AHNAK2: variants seen among roughly 807,000 people sequenced by gnomAD.
AHNAK2 encodes the protein AHNAK nucleoprotein 2, also known as protein AHNAK2.
Under a neutral mutation model 30.7 loss-of-function variants are expected in AHNAK2, and 18 were observed. The observed-to-expected ratio is 0.59, with a 90% CI of 0.41 to 0.87. The LOEUF (loss-of-function observed/expected upper bound fraction) is 0.87. Ranked by LOEUF, AHNAK2 falls within the 40% of genes least tolerant of loss-of-function variation. AHNAK2 has a pLI of 0.00. For missense variants in AHNAK2, 8,604 were observed against 7,373.0 expected (o/e 1.17, Z -6.11); for synonymous variants, 3,590 against 3,073.8 (o/e 1.17, Z -5.56).
At position 104,950,037 on chromosome 14, in the gene AHNAK2, A is replaced by C. The variant is rs770839087; in HGVS notation, c.5414T>G (p.Leu1805Arg). 36 of 1,586,326 alleles carry C rather than the reference A, an allele frequency of 2.3e-5. 5 individuals are homozygous for C. The highest frequency in any genetic ancestry group is 7.0e-5 in the Admixed American group (4 of 57,516). ...GTCGGCCAGGGACAGGTCACCCTCC[A>C]GCCGCACACTGTCCAGCTTGGCTCC... ...APGAKLDSVRLEGDLSLADKD... is the reference protein window; with the variant it reads ...APGAKLDSVRREGDLSLADKD... Residue 1805 changes from leucine (L) to arginine (R), a missense_variant, in exon 7 of 7, where the codon CTG becomes CGG. Leu to Arg is a moderately radical substitution (Grantham distance 102). Transcript: ENST00000333244.
At position 104,942,590 on chromosome 14, in the gene AHNAK2, G is replaced by C. The variant is rs372622112; in HGVS notation, c.12861C>G (p.Ala4287=). 6.2e-7 allele frequency: 1 copy of C among 1,610,040 alleles called. No homozygotes were observed. The highest frequency in any genetic ancestry group is 8.5e-7 in the Non-Finnish European group (1 of 1,178,260). The part of the protein sequence containing the change: ...SVRLEGDLSL[A]DKDMTAKDSK... ...TGTCTTTGGCAGTCATGTCCTTGTC[G>C]GCTAGGGACAGGTCACCCTCCAGCC... Residue 4287 remains alanine, a synonymous_variant, in exon 7 of 7, where the codon GCC becomes GCG. Transcript: ENST00000333244.
At chr14:104,960,541 T>C (rs533942230) in intron 1 of AHNAK2, among the ~76,000 whole-genome samples, 20 of 152,320 alleles carry the variant, frequency 1.3e-4, no homozygotes, top group African/African-American at 4.8e-4. Context: ...AGGGAGGTCC[T>C]AGAAGCAATC....
In AHNAK2 at chr14:104,951,980, A is replaced by C. The variant is rs201234017; in HGVS notation, c.3471T>G (p.Thr1157=). 1.7e-5 allele frequency: 28 copies of C among 1,612,034 alleles called. 1 individual carries two copies. In the African/African-American group the frequency reaches 1.8e-4, roughly 10 times the overall value. The stretch of plus-strand genomic sequence containing the variant: ...GCATTTTGAACCTGCTGTCTTTGGC[A>C]GTCACATCCTTGTCGGCCAGGGACA... ...GELSLADKDV[T]AKDSRFKMPK... Residue 1157 remains threonine, a synonymous_variant, in exon 7 of 7, where the codon ACT becomes ACG. Coordinates refer to ENST00000333244, the MANE Select transcript of AHNAK2 (RefSeq NM_138420.4).
intron 1 of AHNAK2, among the ~76,000 whole-genome samples, chr14:104,969,199 G>C (rs537559152): frequency 1.3e-5 from 2 of 152,318 alleles, no homozygotes; most frequent in East Asian, 1.9e-4. Context: ...CCTAGACCTG[G>C]GAGCTGGGCT....
At position 104,938,048 on chromosome 14, in the gene AHNAK2, G is replaced by A. The variant is rs78726317; in HGVS notation, c.*15C>T. 1.3e-3 allele frequency: 2,156 copies of A among 1,607,892 alleles called. 51 individuals are homozygous for A. In the East Asian group the frequency reaches 0.041, roughly 30 times the overall value. On this transcript the variant is annotated 3_prime_UTR_variant, in exon 7 of 7. Coordinates refer to ENST00000333244, the MANE Select transcript of AHNAK2 (RefSeq NM_138420.4). ...TAGTTTTTTGCATCTCTCTTGTACT[G>A]ATGAGCCATACCTCTCAGCCTTCAT...
Position 104,953,520 on chromosome 14 carries a change from T to C in AHNAK2, c.1931A>G (p.Asn644Ser), listed in dbSNP as rs766285667. Residue 644 changes from asparagine to serine, a missense_variant, in exon 7 of 7, where the codon AAC (asparagine) becomes AGC (serine). Physicochemically the swap from Asn to Ser is conservative, Grantham distance 46. Transcript: ENST00000333244. ...GTGTATTAGTTGTATTTTTGTTGTGTTTGTCATTGAGTCACTGTCTTCTTT... is the reference window on the plus strand; with the variant it reads ...GTGTATTAGTTGTATTTTTGTTGTGCTTGTCATTGAGTCACTGTCTTCTTT... ...KDKEDSDSMT[N>S]TTKIQLIHDE... 6.8e-6 allele frequency: 11 copies of C among 1,614,000 alleles called. No homozygotes were observed. The highest frequency in any genetic ancestry group is 1.3e-5 in the African/African-American group (1 of 75,060).
chr14:104,961,333 T>C (rs906825114), intron 1 of AHNAK2, among the ~76,000 whole-genome samples: 3 of 151,036 alleles, frequency 2.0e-5, no homozygotes, highest in Non-Finnish European at 3.0e-5. Context: ...GCTAACACAG[T>C]GAAACCCCGT....
Position 104,948,439 on chromosome 14 carries a change from C to T in AHNAK2, c.7012G>A (p.Glu2338Lys), listed in dbSNP as rs369341222. 1.3e-4 allele frequency: 212 copies of T among 1,609,860 alleles called. 1 individual carries two copies. Among genetic ancestry groups the T allele is most frequent in the African/African-American group, 2.3e-4 (17 of 73,880 alleles). The stretch of plus-strand genomic sequence containing the variant: ...AACGCAGACACATCCGCTGAGGCCT[C>T]GATGGACTTGCCAAGGGCAGACACC... ...FGVSALGKSI[E>K]ASADVSALKV... Residue 2338 changes from glutamate to lysine, a missense_variant, in exon 7 of 7, where the codon GAG (glutamate) becomes AAG (lysine). By Grantham distance (56) the Glu-to-Lys change is moderately conservative. Coordinates refer to ENST00000333244, the MANE Select transcript of AHNAK2 (RefSeq NM_138420.4).
At chr14:104,970,746 G>A (rs1030406122) in intron 1 of AHNAK2, among the ~76,000 whole-genome samples, 2 of 152,218 alleles carry the variant, frequency 1.3e-5, no homozygotes, top group Non-Finnish European at 2.9e-5. Context: ...GCTGACTGCA[G>A]AGGAACAGAC....
At chr14:104,955,192 T>G (rs1397424642) in intron 5 of AHNAK2, 51 bp from the exon 6 acceptor site, 2 of 1,552,900 alleles carry the variant, frequency 1.3e-6, no homozygotes, top group African/African-American at 2.7e-5. Context: ...TGAGACGGGG[T>G]CTGCTGTCTT....
chr14:104,959,313 C>T (rs1290032216), intron 1 of AHNAK2, among the ~76,000 whole-genome samples: 1 of 152,234 alleles, frequency 6.6e-6, no homozygotes, highest in Non-Finnish European at 1.5e-5. Flanking sequence ...GCTGGGACTA[C>T]AGACACGCGC....
Position 104,947,241 on chromosome 14 carries a change from G to C in AHNAK2, c.8210C>G (p.Pro2737Arg), listed in dbSNP as rs1211896206. 6.2e-7 allele frequency: 1 copy of C among 1,611,632 alleles called. No individual in the cohort carries two copies. The highest frequency in any genetic ancestry group is 8.5e-7 in the Non-Finnish European group (1 of 1,179,406). Residue 2737 changes from proline to arginine, a missense_variant, in exon 7 of 7, where the codon CCC (proline) becomes CGC (arginine). Physicochemically the swap from Pro to Arg is moderately radical, Grantham distance 103. Transcript: ENST00000333244. The part of the protein sequence containing the change: ...LKGHLPKLQM[P>R]SFKMPEVDLK... ...GTCCACTTCAGGCATCTTGAAACTG[G>C]GCATCTGCAGCTTGGGCAGGTGCCC...
chr14:104,938,826 G>C lies in AHNAK2; in HGVS notation c.16625C>G (p.Ser5542Cys), dbSNP rs777761958. The C allele has an allele frequency of 1.2e-5, 19 of 1,613,812 alleles. No homozygotes were observed. The highest frequency in any genetic ancestry group is 1.7e-5 in the Admixed American group (1 of 59,996). Residue 5542 changes from serine (S) to cysteine (C), a missense_variant, in exon 7 of 7, where the codon TCT (serine) becomes TGT (cysteine). By Grantham distance (112) the Ser-to-Cys change is moderately radical (BLOSUM62 -1). Transcript: ENST00000333244. ...CTCTTCTGTGCCCTCCTGAGTCCTA[G>C]AGTGTTGAGTCATTGTTGTGTACAC... ...ARVYTTMTQH[S>C]RTQEGTEEAP...
At position 104,954,222 on chromosome 14, in the gene AHNAK2, T is replaced by C. The variant is rs769364639; in HGVS notation, c.1229A>G (p.Gln410Arg). The change falls in exon 7 of 7, where the codon CAG (glutamine) becomes CGG (arginine). Residue 410 changes from glutamine (Q) to arginine (R), a missense_variant. Physicochemically the swap from Gln to Arg is conservative, Grantham distance 43. Coordinates refer to ENST00000333244, the MANE Select transcript of AHNAK2 (RefSeq NM_138420.4). The surrounding 1 kb of genome is among the most constrained non-coding windows in gnomAD (Gnocchi z 4.3). ...GDPRLCEGTP[Q>R]EGGLRAARLH... ...CCTGGCTGCCCTGAGTCCCCCTTCC[T>C]GAGGGGTTCCCTCGCAAAGTCTAGG... The C allele has an allele frequency of 1.4e-5, 22 of 1,611,324 alleles. No individual in the cohort carries two copies. Among genetic ancestry groups the C allele is most frequent in the Non-Finnish European group, 1.9e-5 (22 of 1,179,814 alleles).
In AHNAK2 at chr14:104,942,453, C is replaced by G. The variant is rs2140823822; in HGVS notation, c.12998G>C (p.Ser4333Thr). Reference protein sequence around the residue: ...VSALKVEADVSLPSMQGDLKT... With the variant: ...VSALKVEADVTLPSMQGDLKT... ...CAGGTCCCCCTGCATGGAGGGGAGG[C>G]TCACGTCAGCCTCCACCTTCAGCGC... is the stretch of plus-strand genomic sequence containing the variant. The change falls in exon 7 of 7, where the codon AGC becomes ACC. Residue 4333 changes from serine to threonine, a missense_variant. Coordinates refer to ENST00000333244, the MANE Select transcript of AHNAK2 (RefSeq NM_138420.4). 1 of 1,612,968 alleles carries G rather than the reference C, an allele frequency of 6.2e-7. No homozygotes were observed. The highest frequency in any genetic ancestry group is 8.5e-7 in the Non-Finnish European group (1 of 1,179,542).
chr14:104,958,766 T>C (rs751194333), intron 1 of AHNAK2, among the ~76,000 whole-genome samples: 12 of 150,744 alleles, frequency 8.0e-5, no homozygotes, highest in African/African-American at 1.7e-4. Flanking sequence ...GAAGAGAGAG[T>C]TGAAGAAGTG....
chr14:104,971,716 C>T (rs1243299505), intron 1 of AHNAK2, among the ~76,000 whole-genome samples: 1 of 152,250 alleles, frequency 6.6e-6, no homozygotes, highest in Non-Finnish European at 1.5e-5. Flanking sequence ...CCCTTAGCCC[C>T]CACTCCTCTT....
At chr14:104,968,140 G>A (rs1410067375) in intron 1 of AHNAK2, among the ~76,000 whole-genome samples, 2 of 152,166 alleles carry the variant, frequency 1.3e-5, no homozygotes, top group Admixed American at 6.5e-5. Flanking sequence ...CCCACTCCCC[G>A]GGCCCCCCAG....
intron 5 of AHNAK2, 124 bp from the exon 6 acceptor site, chr14:104,955,265 A>G (rs1312137777): frequency 1.5e-6 from 2 of 1,325,066 alleles, no homozygotes; most frequent in African/African-American, 1.5e-5. Flanking sequence ...AGTCTGCCCC[A>G]CCAGTCCCCC....
Sources: allele counts gnomAD v4.1 joint callset (sites outside exome capture counted in the v4.1 genomes callset), GRCh38; gene constraint gnomAD v4.1.1; non-coding constraint Gnocchi (gnomAD v3.1); transcripts MANE v1.5; gene names NCBI Gene and HGNC (gene_info 2026-07-23, HGNC 2026-07-21).